The following TRPC5 variants were observed in gnomAD, a reference collection of about 807,000 sequenced individuals.
TRPC5 encodes short transient receptor potential channel 5.
A neutral mutation model predicts 56.5 loss-of-function variants in TRPC5; 9 were observed. The ratio of observed to expected loss-of-function variants is 0.16; its 90% CI spans 0.10 to 0.28. The LOEUF (loss-of-function observed/expected upper bound fraction) is 0.28. Ranked by LOEUF, TRPC5 falls within the 10% of genes least tolerant of loss-of-function variation. The probability of loss-of-function intolerance (pLI) is 1.00; values close to 1 mark genes in which losing one functional copy is unlikely to be tolerated. For missense variants in TRPC5, 469 were observed against 748.9 expected (o/e 0.63, Z 4.36); for synonymous variants, 282 against 278.5 (o/e 1.01, Z -0.13).
chrX:111,799,694 G>A (rs753167765), intron 7 of TRPC5, among the ~76,000 whole-genome samples: 59 of 111,283 alleles, frequency 5.3e-4, no homozygotes, highest in Non-Finnish European at 8.7e-4. Context: ...ACTGTGCCTA[G>A]ATATTGTGCA....
At chrX:111,868,224 C>T (rs928966552) in intron 3 of TRPC5, among the ~76,000 whole-genome samples, 2 of 111,648 alleles carry the variant, frequency 1.8e-5, no homozygotes, top group African/African-American at 6.5e-5. Flanking sequence ...AGGATCTGGT[C>T]GTGGGGATGG....
chrX:111,949,683 T>A (rs748179464), intron 2 of TRPC5, among the ~76,000 whole-genome samples: 11 of 110,430 alleles, frequency 1.0e-4, no homozygotes, highest in Non-Finnish European at 2.1e-4. Context: ...AATCAAAAAA[T>A]AAAAAAAATA....
At chrX:111,868,580 G>T (rs1382480314) in intron 3 of TRPC5, among the ~76,000 whole-genome samples, 1 of 112,282 alleles carries the variant, frequency 8.9e-6, no homozygotes, top group Non-Finnish European at 1.9e-5. Context: ...AAAGTAATTG[G>T]CAATGAGTTA....
At chrX:111,842,793 G>A (rs1922799728) in intron 6 of TRPC5, among the ~76,000 whole-genome samples, 1 of 109,511 alleles carries the variant, frequency 9.1e-6, no homozygotes. Context: ...AGAGGTAGGA[G>A]AAAGGCCAAG....
intron 7 of TRPC5, among the ~76,000 whole-genome samples, chrX:111,832,027 G>A (rs893563358): frequency 1.3e-4 from 14 of 111,326 alleles, no homozygotes; most frequent in African/African-American, 4.6e-4. Flanking sequence ...AGGAGATTGA[G>A]GGAGATATAA....
chrX:112,052,464 T>C (rs1413940399), intron 1 of TRPC5, among the ~76,000 whole-genome samples: 1 of 111,663 alleles, frequency 9.0e-6, no homozygotes, highest in Non-Finnish European at 1.9e-5. Context: ...TTTTTTAAAA[T>C]TGATTTTTTT....
At chrX:112,048,119 G>C (rs779178500) in intron 1 of TRPC5, among the ~76,000 whole-genome samples, 4 of 112,036 alleles carry the variant, frequency 3.6e-5, no homozygotes, top group Non-Finnish European at 5.6e-5. Context: ...CTCAGCAATA[G>C]GTGTTTGGTT....
intron 2 of TRPC5, among the ~76,000 whole-genome samples, chrX:111,942,768 G>C (rs1926814848): frequency 8.9e-6 from 1 of 111,786 alleles, no homozygotes. Flanking sequence ...TTTTCACCTA[G>C]AAGTTTGACT....
intron 1 of TRPC5, among the ~76,000 whole-genome samples, chrX:112,044,913 G>T (rs1929982145): frequency 8.9e-6 from 1 of 112,156 alleles, no homozygotes; most frequent in African/African-American, 3.2e-5. Flanking sequence ...GGAGTCAGAA[G>T]CCCTGGATTC....
intron 2 of TRPC5, among the ~76,000 whole-genome samples, chrX:111,934,254 GT>G (rs779910448): frequency 0.033 from 3,033 of 90,922 alleles, 106 homozygotes; most frequent in African/African-American, 0.11. Context: ...GTTTTGTTCT[GT>G]TTTTTTTTTT....
chrX:112,048,264 C>T (rs1238874552), intron 1 of TRPC5, among the ~76,000 whole-genome samples: 2 of 110,627 alleles, frequency 1.8e-5, no homozygotes, highest in Non-Finnish European at 3.8e-5. Flanking sequence ...AGCTGGGCGT[C>T]GTGGCGTGTG....
At chrX:111,963,825 C>T (rs1443524786) in intron 1 of TRPC5, among the ~76,000 whole-genome samples, 1 of 111,333 alleles carries the variant, frequency 9.0e-6, no homozygotes, top group African/African-American at 3.3e-5. Context: ...CACATCTATA[C>T]GTCAACATCA....
intron 2 of TRPC5, among the ~76,000 whole-genome samples, chrX:111,942,407 CTTTA>C (rs201122798): frequency 0.069 from 7,672 of 111,766 alleles, 204 homozygotes; most frequent in African/African-American, 0.081. Flanking sequence ...CTTGTAGCTG[CTTTA>C]TTTATTTGCA....
At chrX:111,975,942 CA>C (rs1569528979) in intron 1 of TRPC5, among the ~76,000 whole-genome samples, 3 of 110,956 alleles carry the variant, frequency 2.7e-5, no homozygotes, top group African/African-American at 9.8e-5. Flanking sequence ...CAAAAAACAA[CA>C]AAAAAATCAT....
chrX:112,072,032 G>A (rs191574687), intron 1 of TRPC5, among the ~76,000 whole-genome samples: 42 of 112,098 alleles, frequency 3.7e-4, no homozygotes, highest in African/African-American at 1.2e-3. Flanking sequence ...TGAAATATTG[G>A]TATTTTCAAG....
intron 2 of TRPC5, among the ~76,000 whole-genome samples, chrX:111,927,465 C>T (rs776129418): frequency 4.5e-5 from 5 of 112,116 alleles, no homozygotes; most frequent in South Asian, 3.7e-4. Context: ...TGCCCTAGTT[C>T]TAAGAGTCTC....
intron 1 of TRPC5, among the ~76,000 whole-genome samples, chrX:111,991,061 T>G (rs1230257862): frequency 8.9e-6 from 1 of 111,782 alleles, no homozygotes; most frequent in African/African-American, 3.3e-5. Context: ...ACTCTTTTAC[T>G]CCCACCAGTT....
chrX:111,865,000 C>CT, intron 3 of TRPC5, among the ~76,000 whole-genome samples: 1 of 110,083 alleles, frequency 9.1e-6, no homozygotes, highest in East Asian at 2.8e-4. Context: ...GCAGCTTCTT[C>CT]TTTTTTTTCT....
At position 111,855,412 on chromosome X, in the gene TRPC5, C is replaced by G. The variant is rs1226925400; in HGVS notation, c.901-1306G>C. ...TTTCTGACTGACTGGGATGTGATAA[C>G]CTGGTGTGATCTAGGGGCTTCTGTC... On this transcript the variant is annotated intron_variant, in intron 3 of 10. Transcript: ENST00000262839. 2.7e-5 allele frequency among the ~76,000 whole-genome samples: 3 copies of G among 111,714 alleles called. No homozygotes were observed. In the East Asian group the frequency reaches 8.4e-4, roughly 31 times the overall value.
Sources: allele counts gnomAD v4.1 joint callset (sites outside exome capture counted in the v4.1 genomes callset), GRCh38; gene constraint gnomAD v4.1.1; transcripts MANE v1.5; gene names NCBI Gene and HGNC (gene_info 2026-07-23, HGNC 2026-07-21).